Variants in CSMD1 observed in about 807,000 individuals in gnomAD.
CSMD1 encodes CUB and Sushi multiple domains 1.
A neutral mutation model predicts 417.5 loss-of-function variants in CSMD1; 213 were observed. The observed-to-expected ratio is 0.51, with a 90% CI of 0.46 to 0.57. CSMD1 has a LOEUF of 0.57. Ranked by LOEUF, CSMD1 falls within the 20% of genes least tolerant of loss-of-function variation. The probability of loss-of-function intolerance (pLI) is 0.00; values close to 1 mark genes in which losing one functional copy is unlikely to be tolerated. For synonymous variants in CSMD1, 2,862 were observed against 1,736.8 expected (o/e 1.65, Z -16.11); for missense variants, 6,923 against 4,529.7 (o/e 1.53, Z -15.17).
At chr8:4,971,458 A>T (rs2117383201) in intron 1 of CSMD1, among the ~76,000 whole-genome samples, 1 of 152,184 alleles carries the variant, frequency 6.6e-6, no homozygotes, top group East Asian at 1.9e-4. Context: ...TCTGAAAGGA[A>T]AGCTGGCAGA....
chr8:4,507,712 T>C (rs1163862303), intron 2 of CSMD1, among the ~76,000 whole-genome samples: 4 of 152,012 alleles, frequency 2.6e-5, no homozygotes, highest in Non-Finnish European at 1.5e-5. Context: ...GAAGAGAAAA[T>C]GACATTTTCA....
chr8:4,295,256 T>A (rs188731637), intron 3 of CSMD1, among the ~76,000 whole-genome samples: 428 of 8,718 alleles, frequency 0.049, 3 homozygotes, highest in East Asian at 0.078. Context: ...TCTTAAGATT[T>A]TCTATATAAT....
At chr8:3,348,363 G>C (rs264308) in intron 21 of CSMD1, among the ~76,000 whole-genome samples, 142,702 of 152,226 alleles carry the variant, frequency 0.94, 67,148 homozygotes, top group Non-Finnish European at 0.97. Context: ...AGCTCATTTT[G>C]AAAATTGTCT....
chr8:4,165,539 G>C (rs1327236252), intron 3 of CSMD1, among the ~76,000 whole-genome samples: 1 of 152,122 alleles, frequency 6.6e-6, no homozygotes. Context: ...AAGTAGGTGG[G>C]ACCTCCGGTG....
At chr8:4,780,562 A>ATAT (rs1563365981) in intron 1 of CSMD1, among the ~76,000 whole-genome samples, 3 of 150,732 alleles carry the variant, frequency 2.0e-5, no homozygotes, top group Non-Finnish European at 4.4e-5. Context: ...TGTAATTATT[A>ATAT]TTATTTATAT....
intron 3 of CSMD1, among the ~76,000 whole-genome samples, chr8:4,285,797 G>T (rs1797027987): frequency 6.6e-6 from 1 of 152,088 alleles, no homozygotes; most frequent in Admixed American, 6.6e-5. Context: ...TTCTTCTCCA[G>T]GTGTCCCTCT....
intron 11 of CSMD1, among the ~76,000 whole-genome samples, chr8:3,491,698 G>C (rs1285134138): frequency 6.6e-6 from 1 of 152,170 alleles, no homozygotes; most frequent in Non-Finnish European, 1.5e-5. Flanking sequence ...TTTTCAATGT[G>C]TGAATTATCT....
chr8:4,831,936 G>A (rs74341456), intron 1 of CSMD1, among the ~76,000 whole-genome samples: 12,353 of 152,086 alleles, frequency 0.081, 677 homozygotes, highest in Non-Finnish European at 0.12. Flanking sequence ...TGGGACCTTC[G>A]AGATTTAAAA....
chr8:3,688,504 A>G (rs950118534), intron 7 of CSMD1, among the ~76,000 whole-genome samples: 3 of 152,236 alleles, frequency 2.0e-5, no homozygotes, highest in Non-Finnish European at 4.4e-5. Flanking sequence ...ATGTAGTTAT[A>G]ATGAAAAGTT....
At chr8:4,299,041 G>A (rs542366180) in intron 3 of CSMD1, among the ~76,000 whole-genome samples, 2 of 152,078 alleles carry the variant, frequency 1.3e-5, no homozygotes, top group East Asian at 1.9e-4. Context: ...AAGAACTGTA[G>A]GAAATAAATA....
At chr8:4,517,329 G>A (rs1291215527) in intron 2 of CSMD1, among the ~76,000 whole-genome samples, 2 of 152,168 alleles carry the variant, frequency 1.3e-5, no homozygotes, top group African/African-American at 4.8e-5. Flanking sequence ...CTGTGAATGT[G>A]ATTGCACCAG....
intron 2 of CSMD1, among the ~76,000 whole-genome samples, chr8:4,547,663 T>C (rs1349479527): frequency 2.0e-5 from 3 of 152,216 alleles, no homozygotes. Flanking sequence ...GTAAAACGAA[T>C]GATTGAGTTC....
At chr8:3,834,537 C>A (rs1211904352) in intron 5 of CSMD1, among the ~76,000 whole-genome samples, 1 of 152,172 alleles carries the variant, frequency 6.6e-6, no homozygotes, top group Non-Finnish European at 1.5e-5. Flanking sequence ...CTGTGCGTCT[C>A]TTCCAAAACT....
intron 11 of CSMD1, among the ~76,000 whole-genome samples, chr8:3,470,426 C>T (rs1817020110): frequency 6.6e-6 from 1 of 152,138 alleles, no homozygotes; most frequent in South Asian, 2.1e-4. Flanking sequence ...GTATTATTTA[C>T]CTAGTTTCCC....
rs146360407 is a variant in CSMD1 at position 3,548,659 on chromosome 8, TACACAC to T, written c.1344+26280_1344+26285del. On this transcript the variant is annotated intron_variant, in intron 10 of 69. Coordinates refer to ENST00000635120, the MANE Select transcript of CSMD1 (RefSeq NM_033225.6). The stretch of plus-strand genomic sequence containing the variant: ...TTCACGGCTGAGTGGTATTCCATCA[TACACAC>T]ACACACACACACACACACACACACA... Among the ~76,000 whole-genome samples the T allele has an allele frequency of 9.4e-3, 1,247 of 133,106 alleles. 11 individuals are homozygous for T. Among genetic ancestry groups the T allele is most frequent in the South Asian group, 0.019 (74 of 3,886 alleles). The allele number at this position is 133,106 out of a possible 152,430, so 87.3% of individuals were successfully genotyped here.
At chr8:3,942,406 C>G (rs1025383675) in intron 5 of CSMD1, among the ~76,000 whole-genome samples, 11 of 152,086 alleles carry the variant, frequency 7.2e-5, no homozygotes, top group East Asian at 3.9e-4. Context: ...AGTGACACTG[C>G]TAAGGCAAAG....
At chr8:3,456,426 G>A (rs558562905) in intron 12 of CSMD1, among the ~76,000 whole-genome samples, 5 of 152,004 alleles carry the variant, frequency 3.3e-5, no homozygotes, top group African/African-American at 7.2e-5. Flanking sequence ...TTCCTCTTTG[G>A]CCATCTTGGC....
chr8:4,785,988 G>T (rs1409308964), intron 1 of CSMD1, among the ~76,000 whole-genome samples: 1 of 152,202 alleles, frequency 6.6e-6, no homozygotes, highest in African/African-American at 2.4e-5. Context: ...ATGGTAGCCA[G>T]GTTAGTGCAG....
intron 9 of CSMD1, 107 bp from the exon 10 acceptor site, chr8:3,575,173 A>T (rs1182484150): frequency 4.6e-5 from 10 of 215,258 alleles, no homozygotes; most frequent in Non-Finnish European, 5.9e-5. Flanking sequence ...ATCACAGTAA[A>T]AAAAAAAAAA....
Sources: gnomAD v4.1 joint callset for allele counts (sites outside exome capture counted in the v4.1 genomes callset) on GRCh38, gnomAD v4.1.1 for gene constraint, MANE v1.5 for transcripts, NCBI Gene and HGNC (gene_info 2026-07-23, HGNC 2026-07-21) for gene names.